Variants in DEUP1 observed in about 807,000 individuals in gnomAD.
DEUP1 encodes coiled-coil domain containing 67.
A neutral mutation model predicts 87.4 loss-of-function variants in DEUP1; 82 were observed. The observed-to-expected ratio is 0.94, with a 90% CI of 0.78 to 1.13. The LOEUF (loss-of-function observed/expected upper bound fraction) is 1.13, where lower values mean the gene tolerates loss of function less well. Among genes scored for constraint, DEUP1 ranks in the 50% most tolerant of loss-of-function variants. The pLI is 0.00. For missense variants in DEUP1, 663 were observed against 681.5 expected (o/e 0.97, Z 0.30); for synonymous variants, 214 against 222.7 (o/e 0.96, Z 0.35).
At chr11:93,374,328 G>C (rs1181437461) in intron 7 of DEUP1, among the ~76,000 whole-genome samples, 1 of 152,098 alleles carries the variant, frequency 6.6e-6, no homozygotes, top group Non-Finnish European at 1.5e-5. Flanking sequence ...TTTGCTTTTG[G>C]GTTCTTGGTC....
chr11:93,336,180 C>T (rs1943754214), intron 2 of DEUP1, among the ~76,000 whole-genome samples: 1 of 152,062 alleles, frequency 6.6e-6, no homozygotes, highest in Non-Finnish European at 1.5e-5. Flanking sequence ...CCTCAGGAAA[C>T]TTACAATCAT....
At chr11:93,379,787 C>G (rs1206818289) in intron 7 of DEUP1, among the ~76,000 whole-genome samples, 3 of 151,736 alleles carry the variant, frequency 2.0e-5, no homozygotes, top group Non-Finnish European at 2.9e-5. Flanking sequence ...GTTGCCTGGG[C>G]TAAGGAAAGT....
chr11:93,398,006 C>T (rs896838838), intron 11 of DEUP1, among the ~76,000 whole-genome samples: 1 of 152,030 alleles, frequency 6.6e-6, no homozygotes, highest in Admixed American at 6.6e-5. Flanking sequence ...TTACTCCTCC[C>T]TCTTTCCTCC....
Position 93,394,727 on chromosome 11 carries a change from T to C in DEUP1, c.1239+71T>C. On this transcript the variant is annotated intron_variant, in intron 10 of 13. Transcript: ENST00000298050. ...TCAGTGCCAATAGTAGCCTTCATTA[T>C]TGACTAATGAAAACATTACATTTCT... 3 of 974,032 alleles carry C rather than the reference T, an allele frequency of 3.1e-6. No homozygotes were observed. In the South Asian group the frequency reaches 5.6e-5, roughly 18 times the overall value. The allele number at this position is 974,032 out of a possible 1,614,324, so 60.3% of individuals were successfully genotyped here. A position where few individuals can be genotyped will look rare whatever the true frequency, so the allele number is the denominator to read the frequency against.
Position 93,438,057 on chromosome 11 carries a change from C to T in DEUP1, c.*338C>T, listed in dbSNP as rs1461098987. The stretch of plus-strand genomic sequence containing the variant: ...CATGTATACTGAAAACCCATTTCCT[C>T]AGCAACTACACAAAATAAGAGAAAG... On this transcript the variant is annotated 3_prime_UTR_variant, in exon 14 of 14. Coordinates refer to ENST00000298050, the MANE Select transcript of DEUP1 (RefSeq NM_181645.4). 2.8e-5 allele frequency: 5 copies of T among 181,092 alleles called. No individual in the cohort carries two copies. The highest frequency in any genetic ancestry group is 5.7e-5 in the Non-Finnish European group (5 of 88,398). 11.2% of individuals were successfully genotyped at this position (181,092 alleles called of 1,614,324 possible).
chr11:93,420,181 C>T (rs981345121), intron 13 of DEUP1, among the ~76,000 whole-genome samples: 18 of 152,122 alleles, frequency 1.2e-4, no homozygotes, highest in Non-Finnish European at 2.4e-4. Flanking sequence ...TACTGGCAAA[C>T]CAAATCCAGC....
intron 12 of DEUP1, chr11:93,411,133 A>G (rs929460765): frequency 1.3e-5 from 2 of 152,260 alleles, no homozygotes; most frequent in Non-Finnish European, 2.9e-5. Context: ...CAAAGCAGAT[A>G]TCTCTCTGTT....
chr11:93,383,377 A>G lies in DEUP1; in HGVS notation c.790-2021A>G, dbSNP rs185957275. On this transcript the variant is annotated intron_variant, in intron 7 of 13. Transcript: ENST00000298050. ...AGAGGGCAGTCACAAAAGGCCACATAGTGTATGACACCATTTGTATGAAAC... is the reference window on the plus strand; with the variant it reads ...AGAGGGCAGTCACAAAAGGCCACATGGTGTATGACACCATTTGTATGAAAC... 234 of 387,190 alleles carry G rather than the reference A, an allele frequency of 6.0e-4. 1 individual carries two copies. Among genetic ancestry groups the G allele is most frequent in the East Asian group, 5.0e-3 (131 of 26,458 alleles). The allele number at this position is 387,190 out of a possible 1,614,324, so 24.0% of individuals were successfully genotyped here.
At chr11:93,342,630 G>A (rs926659676) in intron 2 of DEUP1, among the ~76,000 whole-genome samples, 1 of 152,192 alleles carries the variant, frequency 6.6e-6, no homozygotes, top group African/African-American at 2.4e-5. Flanking sequence ...CTAGTTTCAA[G>A]GCAGACTGGG....
At chr11:93,411,356 A>G (rs1947429470) in intron 12 of DEUP1, 1 of 152,212 alleles carries the variant, frequency 6.6e-6, no homozygotes, top group Admixed American at 6.5e-5. Context: ...TATGAAGAAA[A>G]TGTTCCACAA....
intron 13 of DEUP1, among the ~76,000 whole-genome samples, chr11:93,434,215 G>C (rs185049479): frequency 5.5e-4 from 83 of 152,264 alleles, no homozygotes; most frequent in African/African-American, 1.9e-3. Context: ...AAAAACTGTT[G>C]AGAGGAAAGT....
intron 8 of DEUP1, among the ~76,000 whole-genome samples, chr11:93,388,693 C>G (rs1411695477): frequency 6.6e-6 from 1 of 152,036 alleles, no homozygotes; most frequent in African/African-American, 2.4e-5. Context: ...AATGGGTTAC[C>G]AAGCTATTTT....
intron 13 of DEUP1, among the ~76,000 whole-genome samples, chr11:93,435,679 TC>T (rs1948221586): frequency 6.6e-6 from 1 of 152,158 alleles, no homozygotes; most frequent in Non-Finnish European, 1.5e-5. Context: ...GCTCTTTCTT[TC>T]CAGAGTTCTG....
chr11:93,418,357 A>T lies in DEUP1; in HGVS notation c.1638+3243A>T, dbSNP rs1469419392. Among the ~76,000 whole-genome samples the T allele has an allele frequency of 2.6e-5, 4 of 152,228 alleles. No homozygotes were observed. The East Asian group carries it at 7.7e-4, about 29-fold the overall frequency. On this transcript the variant is annotated intron_variant, in intron 13 of 13. Coordinates refer to ENST00000298050, the MANE Select transcript of DEUP1 (RefSeq NM_181645.4). ...CAAGAAAAAAACAAACAACCCCATCAAAAAGTGGGCGAAGGACATGAACAG... is the reference window on the plus strand; with the variant it reads ...CAAGAAAAAAACAAACAACCCCATCTAAAAGTGGGCGAAGGACATGAACAG...
intron 7 of DEUP1, among the ~76,000 whole-genome samples, chr11:93,384,809 T>C (rs571265051): frequency 6.6e-6 from 1 of 152,346 alleles, no homozygotes; most frequent in South Asian, 2.1e-4. Flanking sequence ...AGTGTCATAT[T>C]TGTGTGATGA....
rs558737799 is a variant in DEUP1, at chr11:93,348,674, T to A, written c.30-6697T>A. 4.6e-5 allele frequency among the ~76,000 whole-genome samples: 7 copies of A among 152,326 alleles called. No homozygotes were observed. In the South Asian group the frequency reaches 1.0e-3, roughly 23 times the overall value. ...GAATTTATTAGTGTTGATTTCTAAT[T>A]TGACTTTTTCCCCCACAAACTTGTT... On this transcript the variant is annotated intron_variant, in intron 2 of 13. Coordinates refer to ENST00000298050, the MANE Select transcript of DEUP1 (RefSeq NM_181645.4).
intron 7 of DEUP1, among the ~76,000 whole-genome samples, chr11:93,376,238 C>T (rs762077463): frequency 5.3e-5 from 8 of 152,166 alleles, no homozygotes; most frequent in Non-Finnish European, 1.0e-4. Context: ...GCCACTGCAC[C>T]CGGCCTATAT....
At chr11:93,361,188 C>T (rs2925359) in intron 4 of DEUP1, among the ~76,000 whole-genome samples, 85,979 of 151,744 alleles carry the variant, frequency 0.57, 24,833 homozygotes, top group Admixed American at 0.67. Flanking sequence ...AAAAATACCC[C>T]TCAGGAATGA....
rs780253685 is a variant in DEUP1 at position 93,408,211 on chromosome 11, T to C, written c.1327-20T>C. On this transcript the variant is annotated intron_variant, in intron 11 of 13. Coordinates refer to ENST00000298050, the MANE Select transcript of DEUP1 (RefSeq NM_181645.4). ...TTATAAGGGGCAGTTTATTCAATGA[T>C]AGTTTATTTTATTCTCTAGAGTATG... 25 of 1,484,656 alleles carry C rather than the reference T, an allele frequency of 1.7e-5. No individual in the cohort carries two copies. Among genetic ancestry groups the C allele is most frequent in the Non-Finnish European group, 1.5e-5 (17 of 1,108,814 alleles). 92.0% of individuals were successfully genotyped at this position (1,484,656 alleles called of 1,614,324 possible). A position where few individuals can be genotyped will look rare whatever the true frequency, so the allele number is the denominator to read the frequency against.
Sources: gnomAD v4.1 joint callset for allele counts (sites outside exome capture counted in the v4.1 genomes callset) on GRCh38, gnomAD v4.1.1 for gene constraint, MANE v1.5 for transcripts, NCBI Gene and HGNC (gene_info 2026-07-23, HGNC 2026-07-21) for gene names.